The following GOLGA1 variants were observed in gnomAD, a reference collection of about 807,000 sequenced individuals.
The protein encoded by GOLGA1 is golgin subfamily A member 1.
GOLGA1 carries 63 observed loss-of-function variants against 119.7 expected under a neutral mutation model. The observed-to-expected ratio is 0.53, with a 90% CI of 0.43 to 0.65. The LOEUF is 0.65. Among genes scored for constraint, GOLGA1 ranks in the 30% least tolerant of loss-of-function variants. GOLGA1 has a pLI of 0.00. For missense variants in GOLGA1, 798 were observed against 912.8 expected (o/e 0.87, Z 1.62); for synonymous variants, 318 against 333.4 (o/e 0.95, Z 0.50).
At chr9:124,883,937 A>G (rs17249578) in intron 19 of GOLGA1, among the ~76,000 whole-genome samples, 28,451 of 151,950 alleles carry the variant, frequency 0.19, 3,125 homozygotes, top group Non-Finnish European at 0.24. Flanking sequence ...TTTATTACAC[A>G]TTCCATACAC....
In GOLGA1 at chr9:124,921,832, C is replaced by A. The variant is rs773085194; in HGVS notation, c.622G>T (p.Glu208Ter). Residue 208 changes from glutamate (E) to a stop codon, truncating the protein, a stop_gained, in exon 9 of 23, where the codon GAA (glutamate) becomes TAA (stop). Transcript: ENST00000373555. LOFTEE classifies it high-confidence loss of function. ...MEQELEARTRELSRTQEELMN... is the reference protein window; with the variant it reads ...MEQELEARTR ...AACTCCTCCTGGGTACGACTAAGTT[C>A]TCTGGTTCGTGCCTCCAATTCTTGT... The A allele has an allele frequency of 3.1e-6, 5 of 1,613,456 alleles. No homozygotes were observed. In the South Asian group the frequency reaches 3.3e-5, roughly 11 times the overall value.
intron 1 of GOLGA1, chr9:124,947,594 A>C (rs1180146592): frequency 6.6e-6 from 1 of 152,238 alleles, no homozygotes. Context: ...ATGGGTACAT[A>C]ATATACACAT....
intron 3 of GOLGA1, among the ~76,000 whole-genome samples, chr9:124,935,350 A>C (rs928138588): frequency 1.3e-5 from 2 of 152,240 alleles, no homozygotes; most frequent in African/African-American, 4.8e-5. Flanking sequence ...CATTAAACAA[A>C]GTTGTGTTAA....
At chr9:124,920,927 AT>A (rs1460493780) in intron 10 of GOLGA1, among the ~76,000 whole-genome samples, 1 of 152,140 alleles carries the variant, frequency 6.6e-6, no homozygotes, top group African/African-American at 2.4e-5. Context: ...TGACAGGAAA[AT>A]ACTGACTACT....
intron 15 of GOLGA1, among the ~76,000 whole-genome samples, chr9:124,890,931 G>T (rs779600123): frequency 1.1e-4 from 17 of 152,272 alleles, no homozygotes; most frequent in Non-Finnish European, 1.9e-4. Context: ...GAGGTGGGAG[G>T]ATCGCTTGAA....
Position 124,895,137 on chromosome 9 carries a change from ATCCACAACAGACTC to A in GOLGA1, c.1407+3398_1407+3411del, listed in dbSNP as rs1442945999. 4.9e-5 allele frequency among the ~76,000 whole-genome samples: 7 copies of A among 142,146 alleles called. No individual in the cohort carries two copies. In the East Asian group the frequency reaches 1.3e-3, roughly 26 times the overall value. The allele number at this position is 142,146 out of a possible 152,430, so 93.3% of individuals were successfully genotyped here. Reference sequence around the variant, plus strand: ...CAGAGACTCTCCACAACAGAGAACCATCCACAACAGACTCTCCACAACAGAGACCCTCCACAACA... The same window carrying A: ...CAGAGACTCTCCACAACAGAGAACCATCCACAACAGAGACCCTCCACAACA... On this transcript the variant is annotated intron_variant, in intron 15 of 22. Coordinates refer to ENST00000373555, the MANE Select transcript of GOLGA1 (RefSeq NM_002077.4).
chr9:124,911,533 T>C (rs1830341835), intron 11 of GOLGA1, among the ~76,000 whole-genome samples: 2 of 152,252 alleles, frequency 1.3e-5, no homozygotes, highest in African/African-American at 4.8e-5. Flanking sequence ...TTCTTGCTTT[T>C]GCCAAGGGGC....
In GOLGA1 at chr9:124,926,701, G is replaced by A. The variant is rs1218873961; in HGVS notation, c.432+8C>T. 7 of 1,565,024 alleles carry A rather than the reference G, an allele frequency of 4.5e-6. No homozygotes were observed. The South Asian group carries it at 7.8e-5, about 17-fold the overall frequency. On this transcript the variant is annotated splice_region_variant and intron_variant, in intron 7 of 22. Transcript: ENST00000373555. Reference sequence around the variant, plus strand: ...ACAAAAATGAGACAAAAATAAAGATGAACTAACCTTTTCAAGCTGATCCAT... The same window carrying A: ...ACAAAAATGAGACAAAAATAAAGATAAACTAACCTTTTCAAGCTGATCCAT...
chr9:124,894,380 TTG>T (rs35289660), intron 15 of GOLGA1, among the ~76,000 whole-genome samples: 73,717 of 147,574 alleles, frequency 0.5, 18,347 homozygotes, highest in East Asian at 0.55. Flanking sequence ...ATTTAAAGTT[TTG>T]TGTGTGTGTG....
intron 10 of GOLGA1, among the ~76,000 whole-genome samples, chr9:124,918,914 T>C (rs754719338): frequency 1.3e-5 from 2 of 152,174 alleles, no homozygotes; most frequent in Non-Finnish European, 2.9e-5. Context: ...CCTTGACTCC[T>C]GGGCTGGAAT....
chr9:124,937,411 C>T (rs1479752121), intron 3 of GOLGA1, among the ~76,000 whole-genome samples: 1 of 152,090 alleles, frequency 6.6e-6, no homozygotes, highest in Non-Finnish European at 1.5e-5. Flanking sequence ...CGAGATTGTG[C>T]TGCTGCACTC....
In GOLGA1 at chr9:124,898,543, A is replaced by G. The variant is rs1024070850; in HGVS notation, c.1407+6T>C. 15 of 1,495,922 alleles carry G rather than the reference A, an allele frequency of 1.0e-5. No individual in the cohort carries two copies. The highest frequency in any genetic ancestry group is 1.2e-5 in the Non-Finnish European group (13 of 1,074,722). 92.7% of individuals were successfully genotyped at this position (1,495,922 alleles called of 1,614,324 possible). On this transcript the variant is annotated splice_donor_region_variant and intron_variant, in intron 15 of 22. Transcript: ENST00000373555. ...TTATGAAACTTTGATTCAATTAGATAAATACCTTCAGCTTCTTTAGTTCAA... is the reference window on the plus strand; with the variant it reads ...TTATGAAACTTTGATTCAATTAGATGAATACCTTCAGCTTCTTTAGTTCAA...
chr9:124,912,045 A>G lies in GOLGA1; in HGVS notation c.844-19T>C. On this transcript the variant is annotated intron_variant, in intron 10 of 22. Transcript: ENST00000373555. ...CAGTGACCTGCAGGTGAAAGCAGAG[A>G]TCACTCTATACTAGAAGCCCTCTCT... 1 of 1,610,348 alleles carries G rather than the reference A, an allele frequency of 6.2e-7. No homozygotes were observed. Among genetic ancestry groups the G allele is most frequent in the East Asian group, 2.2e-5 (1 of 44,832 alleles).
chr9:124,901,356 C>T lies in GOLGA1; in HGVS notation c.1066-809G>A, dbSNP rs545063520. On this transcript the variant is annotated intron_variant, in intron 12 of 22. Transcript: ENST00000373555. ...CGTGATCTCAGCTCACTGCAACCTCCGCCTGCTGGGTTCAAGCGATTCTCC... is the reference window on the plus strand; with the variant it reads ...CGTGATCTCAGCTCACTGCAACCTCTGCCTGCTGGGTTCAAGCGATTCTCC... Among the ~76,000 whole-genome samples, 294 of 151,506 alleles carry T rather than the reference C, an allele frequency of 1.9e-3. 2 individuals carry two copies. The highest frequency in any genetic ancestry group is 6.4e-3 in the African/African-American group (264 of 41,266).
chr9:124,912,917 A>C (rs1046596044), intron 10 of GOLGA1, among the ~76,000 whole-genome samples: 2 of 152,186 alleles, frequency 1.3e-5, no homozygotes, highest in African/African-American at 4.8e-5. Flanking sequence ...TACTGCTACT[A>C]ATCTTCAACT....
chr9:124,921,916 A>T, intron 8 of GOLGA1, 24 bp from the exon 9 acceptor site: 3 of 1,596,988 alleles, frequency 1.9e-6, no homozygotes, highest in Non-Finnish European at 2.6e-6. Context: ...ACAAAGTTTC[A>T]TTGGGCTATG....
chr9:124,926,000 C>A (rs1237845008), intron 7 of GOLGA1, among the ~76,000 whole-genome samples: 2 of 152,120 alleles, frequency 1.3e-5, no homozygotes, highest in African/African-American at 2.4e-5. Flanking sequence ...CAATGCTGAG[C>A]CTTGAGAAAT....
At chr9:124,882,972 C>T (rs752631995) in intron 19 of GOLGA1, among the ~76,000 whole-genome samples, 3 of 152,298 alleles carry the variant, frequency 2.0e-5, no homozygotes, top group Non-Finnish European at 2.9e-5. Flanking sequence ...CGAGGACTTA[C>T]GGTTCTCATC....
intron 10 of GOLGA1, among the ~76,000 whole-genome samples, chr9:124,915,841 C>T (rs887187961): frequency 2.0e-5 from 3 of 150,964 alleles, no homozygotes; most frequent in African/African-American, 4.9e-5. Context: ...TGGTGGCTCA[C>T]GTGTGTAATC....
Sources: allele counts gnomAD v4.1 joint callset (sites outside exome capture counted in the v4.1 genomes callset), GRCh38; gene constraint gnomAD v4.1.1; transcripts MANE v1.5; gene names NCBI Gene and HGNC (gene_info 2026-07-23, HGNC 2026-07-21).